The following PTPRD variants were observed in gnomAD, a reference collection of about 807,000 sequenced individuals.
The protein encoded by PTPRD is receptor-type tyrosine-protein phosphatase delta.
In PTPRD, 34 loss-of-function variants were observed where a neutral mutation model predicts 214.5. The observed-to-expected ratio is 0.16, with a 90% CI of 0.12 to 0.21. The LOEUF is 0.21. PTPRD is among the 10% of genes least tolerant of loss of function. PTPRD has a pLI of 1.00. For synonymous variants in PTPRD, 1,128 were observed against 845.7 expected (o/e 1.33, Z -5.79); for missense variants, 2,545 against 2,398.7 (o/e 1.06, Z -1.27).
intron 7 of PTPRD, among the ~76,000 whole-genome samples, chr9:9,702,220 G>A (rs369874906): frequency 1.3e-5 from 2 of 152,154 alleles, no homozygotes; most frequent in African/African-American, 4.8e-5. Flanking sequence ...TCATATGAAC[G>A]AAGACATAGT....
At chr9:10,031,265 G>C (rs1045884222) in intron 4 of PTPRD, among the ~76,000 whole-genome samples, 6 of 152,012 alleles carry the variant, frequency 3.9e-5, no homozygotes, top group African/African-American at 1.5e-4. Flanking sequence ...GGTTAATACT[G>C]TTAACTCGAT....
intron 2 of PTPRD, among the ~76,000 whole-genome samples, chr9:10,413,743 A>G (rs1184308354): frequency 6.6e-6 from 1 of 151,996 alleles, no homozygotes; most frequent in Non-Finnish European, 1.5e-5. Context: ...ACAGCAAGAT[A>G]TTGGTACAAA....
At chr9:9,850,400 C>T (rs1311722999) in intron 5 of PTPRD, among the ~76,000 whole-genome samples, 2 of 152,056 alleles carry the variant, frequency 1.3e-5, no homozygotes, top group East Asian at 1.9e-4. Context: ...TGGTTTTCTA[C>T]TTAGTTAACT....
chr9:10,381,324 G>A (rs758755280), intron 2 of PTPRD, among the ~76,000 whole-genome samples: 1 of 151,996 alleles, frequency 6.6e-6, no homozygotes, highest in Non-Finnish European at 1.5e-5. Flanking sequence ...CAAAGGTTTT[G>A]CTGCAATAGC....
chr9:10,513,182 A>ATG (rs370697263), intron 2 of PTPRD, among the ~76,000 whole-genome samples: 1,549 of 148,326 alleles, frequency 0.01, 24 homozygotes, highest in African/African-American at 0.015. Context: ...TTGTGTGTGT[A>ATG]TGTGTGTGTG....
chr9:9,576,168 G>A (rs1014642246), intron 7 of PTPRD, among the ~76,000 whole-genome samples: 1 of 152,052 alleles, frequency 6.6e-6, no homozygotes, highest in Non-Finnish European at 1.5e-5. Flanking sequence ...GTTTCAACTA[G>A]TTTCTACCAT....
At chr9:8,929,703 G>A (rs1269281161) in intron 11 of PTPRD, among the ~76,000 whole-genome samples, 1 of 143,830 alleles carries the variant, frequency 7.0e-6, no homozygotes, top group African/African-American at 2.6e-5. Context: ...ATATATATAT[G>A]TGTATATATA....
intron 8 of PTPRD, among the ~76,000 whole-genome samples, chr9:9,527,240 T>A (rs570538191): frequency 5.3e-5 from 8 of 152,328 alleles, no homozygotes; most frequent in Non-Finnish European, 1.2e-4. Flanking sequence ...CACTACACTA[T>A]GGTAGTATCA....
intron 3 of PTPRD, among the ~76,000 whole-genome samples, chr9:10,130,549 A>T (rs1176086889): frequency 1.3e-5 from 2 of 152,198 alleles, no homozygotes; most frequent in Non-Finnish European, 2.9e-5. Flanking sequence ...CATAACACTT[A>T]GTCATCAACC....
rs886735130 is a variant in PTPRD at position 8,588,621 on chromosome 9, A to G, written c.352+44696T>C. ...TATCAGAAAACATTTAGGAGAAAAGATATTTTCATTTTCTTCCTAGAACTC... is the reference window on the plus strand; with the variant it reads ...TATCAGAAAACATTTAGGAGAAAAGGTATTTTCATTTTCTTCCTAGAACTC... On this transcript the variant is annotated intron_variant, in intron 14 of 45. Coordinates refer to ENST00000381196, the MANE Select transcript of PTPRD (RefSeq NM_002839.4). Among the ~76,000 whole-genome samples, 90 of 152,202 alleles carry G rather than the reference A, an allele frequency of 5.9e-4. 1 individual carries two copies. The highest frequency in any genetic ancestry group is 2.1e-3 in the African/African-American group (86 of 41,466).
At chr9:10,469,234 T>A (rs1466821062) in intron 2 of PTPRD, among the ~76,000 whole-genome samples, 2 of 152,108 alleles carry the variant, frequency 1.3e-5, no homozygotes, top group Non-Finnish European at 2.9e-5. Flanking sequence ...CAGACAACTT[T>A]CAGAATATTC....
intron 30 of PTPRD, among the ~76,000 whole-genome samples, chr9:8,474,670 C>T (rs2096728465): frequency 6.6e-6 from 1 of 152,204 alleles, no homozygotes; most frequent in African/African-American, 2.4e-5. Context: ...TTTTCACTTT[C>T]TCCTCTAGCC....
At chr9:10,007,374 A>C (rs1406833526) in intron 4 of PTPRD, among the ~76,000 whole-genome samples, 1 of 152,084 alleles carries the variant, frequency 6.6e-6, no homozygotes, top group Non-Finnish European at 1.5e-5. Flanking sequence ...TAAACAGTAA[A>C]GGGCTTTAAT....
intron 3 of PTPRD, among the ~76,000 whole-genome samples, chr9:10,289,200 A>T (rs2095457178): frequency 6.6e-6 from 1 of 152,182 alleles, no homozygotes; most frequent in African/African-American, 2.4e-5. Flanking sequence ...ATTTATTCAC[A>T]ACCTTCTTAT....
At chr9:9,584,464 C>T (rs760593987) in intron 7 of PTPRD, among the ~76,000 whole-genome samples, 2 of 151,792 alleles carry the variant, frequency 1.3e-5, no homozygotes, top group Non-Finnish European at 1.5e-5. Context: ...CCATTATATT[C>T]CTAATGCTGT....
intron 14 of PTPRD, among the ~76,000 whole-genome samples, chr9:8,563,594 A>G (rs1181558745): frequency 6.6e-6 from 1 of 151,562 alleles, no homozygotes; most frequent in African/African-American, 2.4e-5. Context: ...CTGCCGCCAC[A>G]CCTGGCTAAT....
chr9:9,603,535 GGCAA>G (rs1563993265), intron 7 of PTPRD, among the ~76,000 whole-genome samples: 2 of 152,182 alleles, frequency 1.3e-5, no homozygotes, highest in African/African-American at 2.4e-5. Flanking sequence ...GTGAGCAGCA[GGCAA>G]GCAAGCATTA....
At chr9:9,908,800 T>G (rs950355293) in intron 5 of PTPRD, among the ~76,000 whole-genome samples, 1 of 151,958 alleles carries the variant, frequency 6.6e-6, no homozygotes, top group African/African-American at 2.4e-5. Context: ...TTTGGGAAGT[T>G]TTTGAAAATA....
intron 6 of PTPRD, among the ~76,000 whole-genome samples, chr9:9,737,124 T>A (rs958518194): frequency 6.6e-6 from 1 of 152,114 alleles, no homozygotes; most frequent in African/African-American, 2.4e-5. Flanking sequence ...TTTTCCAAAT[T>A]GGTCCAGCAA....
Sources: allele counts gnomAD v4.1 joint callset (sites outside exome capture counted in the v4.1 genomes callset), GRCh38; gene constraint gnomAD v4.1.1; transcripts MANE v1.5; gene names NCBI Gene and HGNC (gene_info 2026-07-23, HGNC 2026-07-21).